The following DNM2 variants were observed in gnomAD, a reference collection of about 807,000 sequenced individuals.
DNM2 encodes the protein dynamin 2.
A neutral mutation model predicts 99.0 loss-of-function variants in DNM2; 15 were observed. That is an observed-to-expected ratio of 0.15 (90% confidence interval 0.10 to 0.23). The LOEUF is 0.23. DNM2 is among the 10% of genes least tolerant of loss of function. DNM2 has a pLI of 1.00. For missense variants in DNM2, 742 were observed against 1,189.4 expected (o/e 0.62, Z 5.53); for synonymous variants, 525 against 481.2 (o/e 1.09, Z -1.19).
At chr19:10,762,607 C>T (rs2070670398) in intron 2 of DNM2, among the ~76,000 whole-genome samples, 1 of 152,196 alleles carries the variant, frequency 6.6e-6, no homozygotes, top group Non-Finnish European at 1.5e-5. Context: ...GAGCACAGAG[C>T]GCAGGCCTAC....
chr19:10,725,714 C>T (rs560312077), intron 1 of DNM2, among the ~76,000 whole-genome samples: 2 of 152,066 alleles, frequency 1.3e-5, no homozygotes, highest in African/African-American at 2.4e-5. Flanking sequence ...TTTGTGATCT[C>T]GTTGGTTGGC....
At chr19:10,735,459 T>G (rs1409399698) in intron 1 of DNM2, among the ~76,000 whole-genome samples, 1 of 152,218 alleles carries the variant, frequency 6.6e-6, no homozygotes, top group Non-Finnish European at 1.5e-5. Flanking sequence ...GTTTCCCCAC[T>G]GGAAAGTTAC....
chr19:10,741,185 C>A (rs759695504), intron 1 of DNM2, among the ~76,000 whole-genome samples: 4 of 152,146 alleles, frequency 2.6e-5, no homozygotes, highest in Non-Finnish European at 4.4e-5. Flanking sequence ...TGATATCCAT[C>A]CATGATTGAA....
At position 10,765,106 on chromosome 19, in the gene DNM2, C is replaced by T. The variant is rs1368268129; in HGVS notation, c.235+5295C>T. Among the ~76,000 whole-genome samples, 5 of 151,976 alleles carry T rather than the reference C, an allele frequency of 3.3e-5. No individual in the cohort carries two copies. The highest frequency in any genetic ancestry group is 2.4e-5 in the African/African-American group (1 of 41,378). ...CGGCGTAGCTGGGACTACAGGCGCC[C>T]GCCACCTCGCCCGGCTAATTTTTTT... On this transcript the variant is annotated intron_variant, in intron 2 of 20. Transcript: ENST00000389253. This position sits in a 1 kb window ranked among gnomAD's most constrained non-coding sequence, Gnocchi z 4.4.
At chr19:10,766,920 A>G (rs1484766837) in intron 2 of DNM2, among the ~76,000 whole-genome samples, 1 of 151,988 alleles carries the variant, frequency 6.6e-6, no homozygotes, top group Non-Finnish European at 1.5e-5. Context: ...GCCCGGGCTG[A>G]CCCTCCTCCC....
Position 10,817,058 on chromosome 19 carries a change from G to A in DNM2, c.1672-2922G>A, listed in dbSNP as rs1031829849. Among the ~76,000 whole-genome samples, 1 of 152,162 alleles carries A rather than the reference G, an allele frequency of 6.6e-6. No individual in the cohort carries two copies. The highest frequency in any genetic ancestry group is 2.4e-5 in the African/African-American group (1 of 41,430). On this transcript the variant is annotated intron_variant, in intron 15 of 20. Coordinates refer to ENST00000389253, the MANE Select transcript of DNM2 (RefSeq NM_001005361.3). The surrounding 1 kb of genome is among the most constrained non-coding windows in gnomAD (Gnocchi z 4.6). ...GGGGCAGCCATGGAACCTGACCCCC[G>A]CCACCACCCAAGTTAGGATCCCAGC...
chr19:10,744,567 G>T (rs1464570517), intron 1 of DNM2, among the ~76,000 whole-genome samples: 1 of 152,158 alleles, frequency 6.6e-6, no homozygotes, highest in Non-Finnish European at 1.5e-5. Flanking sequence ...AATGCAGACT[G>T]TGGGTGGTGC....
intron 18 of DNM2, among the ~76,000 whole-genome samples, chr19:10,827,810 A>C (rs2073192932): frequency 6.6e-6 from 1 of 152,012 alleles, no homozygotes; most frequent in Non-Finnish European, 1.5e-5. Context: ...TGGAGTTTGC[A>C]ATGAGCGGAG....
intron 14 of DNM2, chr19:10,808,802 C>T (rs570395550): frequency 3.1e-5 from 15 of 481,768 alleles, no homozygotes; most frequent in East Asian, 2.7e-4. Context: ...CCCTTGAAGG[C>T]GCACTTCTGC....
Position 10,829,227 on chromosome 19 carries a change from G to C in DNM2, c.2250G>C (p.Pro750=). 1 of 1,613,930 alleles carries C rather than the reference G, an allele frequency of 6.2e-7. No individual in the cohort carries two copies. ...GCACTGTGTCCACGCCTGTACCCCC[G>C]CCTGTCGATGACACCTGGCTCCAGA... is the stretch of plus-strand genomic sequence containing the variant. ...STSTVSTPVP[P]PVDDTWLQSA... is the part of the protein sequence containing the mutation. Residue 750 remains proline, a synonymous_variant, in exon 19 of 21, where the codon CCG becomes CCC. Coordinates refer to ENST00000389253, the MANE Select transcript of DNM2 (RefSeq NM_001005361.3).
At chr19:10,727,812 G>A (rs967246955) in intron 1 of DNM2, among the ~76,000 whole-genome samples, 17 of 152,108 alleles carry the variant, frequency 1.1e-4, no homozygotes, top group Non-Finnish European at 1.8e-4. Flanking sequence ...GAATGAAAGT[G>A]CTGAAATTAT....
chr19:10,808,402 A>T, intron 13 of DNM2, 167 bp from the exon 14 acceptor site: 1 of 622,996 alleles, frequency 1.6e-6, no homozygotes, highest in Non-Finnish European at 2.8e-6. Context: ...GAATATGATT[A>T]ATAGCATGTA....
chr19:10,771,789 G>A (rs1023152770), intron 2 of DNM2, among the ~76,000 whole-genome samples: 15 of 152,198 alleles, frequency 9.9e-5, no homozygotes, highest in South Asian at 2.1e-4. Flanking sequence ...ATGGCTGGGC[G>A]TGGAGGCATA....
At chr19:10,807,520 G>A (rs986769695) in intron 13 of DNM2, among the ~76,000 whole-genome samples, 16 of 136,962 alleles carry the variant, frequency 1.2e-4, no homozygotes, top group African/African-American at 3.3e-4. Context: ...AATTACAAGC[G>A]TGAGCCATCA....
At chr19:10,803,835 C>T (rs2072242331) in intron 12 of DNM2, among the ~76,000 whole-genome samples, 1 of 152,186 alleles carries the variant, frequency 6.6e-6, no homozygotes, top group Non-Finnish European at 1.5e-5. Context: ...ACCTTGACCG[C>T]ACCAGCTGTA....
chr19:10,801,283 G>A (rs1458269801), intron 11 of DNM2, among the ~76,000 whole-genome samples: 2 of 151,666 alleles, frequency 1.3e-5, no homozygotes, highest in African/African-American at 4.8e-5. Flanking sequence ...GCCAGCCTGG[G>A]TAACACAGTG....
chr19:10,783,939 A>C (rs1364571617), intron 6 of DNM2, among the ~76,000 whole-genome samples: 1 of 152,046 alleles, frequency 6.6e-6, no homozygotes, highest in Non-Finnish European at 1.5e-5. Context: ...AGCTCGAGTG[A>C]TCCGCCTGTG....
intron 18 of DNM2, among the ~76,000 whole-genome samples, chr19:10,827,652 A>G (rs1397573357): frequency 2.6e-5 from 4 of 151,856 alleles, no homozygotes; most frequent in Non-Finnish European, 5.9e-5. Context: ...CGGGCACATC[A>G]CGAGGTCAAG....
intron 2 of DNM2, chr19:10,768,951 G>T: frequency 6.6e-6 from 1 of 152,598 alleles, no homozygotes; most frequent in Non-Finnish European, 1.5e-5. Flanking sequence ...GGAGGGGGCT[G>T]GGTGGAGCAG....
Sources: allele counts gnomAD v4.1 joint callset (sites outside exome capture counted in the v4.1 genomes callset), GRCh38; gene constraint gnomAD v4.1.1; non-coding constraint Gnocchi (gnomAD v3.1); transcripts MANE v1.5; gene names NCBI Gene and HGNC (gene_info 2026-07-23, HGNC 2026-07-21).